CDK5RAP2: variants seen among roughly 807,000 people sequenced by gnomAD.
The protein encoded by CDK5RAP2 is CDK5 regulatory subunit associated protein 2.
CDK5RAP2 carries 147 observed loss-of-function variants against 232.9 expected under a neutral mutation model. The ratio of observed to expected loss-of-function variants is 0.63; its 90% CI spans 0.55 to 0.72. The LOEUF (loss-of-function observed/expected upper bound fraction) is 0.72, where lower values mean the gene tolerates loss of function less well. CDK5RAP2 is among the 30% of genes least tolerant of loss of function. The pLI, the probability that CDK5RAP2 is intolerant of heterozygous loss-of-function variation, is 0.00. For synonymous variants in CDK5RAP2, 833 were observed against 833.7 expected (o/e 1.00, Z 0.01); for missense variants, 2,195 against 2,231.5 (o/e 0.98, Z 0.33).
At chr9:120,472,203 AT>A (rs1224812177) in intron 15 of CDK5RAP2, among the ~76,000 whole-genome samples, 1 of 152,214 alleles carries the variant, frequency 6.6e-6, no homozygotes, top group Non-Finnish European at 1.5e-5. Flanking sequence ...TTTAGAAATT[AT>A]TTGCAAAATC....
intron 18 of CDK5RAP2, among the ~76,000 whole-genome samples, chr9:120,465,586 A>G (rs2037331907): frequency 6.6e-6 from 1 of 152,114 alleles, no homozygotes; most frequent in Non-Finnish European, 1.5e-5. Context: ...TTTACACATT[A>G]AAAGTTGTTG....
In CDK5RAP2 at chr9:120,536,385, C is replaced by A; in HGVS notation, c.649G>T (p.Asp217Tyr). The A allele has an allele frequency of 6.2e-7, 1 of 1,614,140 alleles. No homozygotes were observed. ...CAAGAGCCAGACCTGTCTTTCTCAT[C>A]CAGGACCAGAGCCATCGCCAAGTCC... ...EGDLAMALVL[D>Y]EKDRLIEELK... The change falls in exon 7 of 38, where the codon GAT becomes TAT. Residue 217 changes from aspartate to tyrosine, a missense_variant. Coordinates refer to ENST00000349780, the MANE Select transcript of CDK5RAP2 (RefSeq NM_018249.6).
chr9:120,509,523 G>A (rs1014351529), intron 12 of CDK5RAP2, among the ~76,000 whole-genome samples: 30 of 152,300 alleles, frequency 2.0e-4, no homozygotes, highest in African/African-American at 7.2e-4. Context: ...ATGAGTTTAA[G>A]CTGTTGGCTT....
intron 14 of CDK5RAP2, among the ~76,000 whole-genome samples, chr9:120,486,155 G>A (rs1275788440): frequency 2.6e-5 from 4 of 152,102 alleles, no homozygotes; most frequent in Admixed American, 2.0e-4. Flanking sequence ...ACCTCCCCAT[G>A]AGGTCCCTAG....
chr9:120,407,421 T>G, intron 31 of CDK5RAP2, 173 bp from the exon 32 acceptor site: 1 of 650,678 alleles, frequency 1.5e-6, no homozygotes, highest in Non-Finnish European at 2.8e-6. Context: ...TTGGCAGACT[T>G]AATTGCTGCT....
chr9:120,464,692 C>G (rs894601219), intron 18 of CDK5RAP2, among the ~76,000 whole-genome samples: 7 of 152,002 alleles, frequency 4.6e-5, no homozygotes. Flanking sequence ...GAAGCACTGC[C>G]CTATGGTGTT....
chr9:120,404,915 C>T (rs1295577384), intron 32 of CDK5RAP2, among the ~76,000 whole-genome samples: 1 of 152,212 alleles, frequency 6.6e-6, no homozygotes, highest in East Asian at 1.9e-4. Flanking sequence ...GACTCAATAG[C>T]TCAGTGGGCA....
intron 31 of CDK5RAP2, 140 bp from the exon 32 acceptor site, chr9:120,407,388 A>T (rs2033531399): frequency 1.4e-6 from 1 of 701,402 alleles, no homozygotes; most frequent in East Asian, 2.7e-5. Context: ...TAAAATAACA[A>T]CTTGACTTTA....
chr9:120,562,801 ATAGCAGGCACTATCC>A (rs1470318286), intron 3 of CDK5RAP2, among the ~76,000 whole-genome samples: 1 of 152,076 alleles, frequency 6.6e-6, no homozygotes, highest in Admixed American at 6.6e-5. Context: ...AAGATCTGGT[ATAGCAGGCACTATCC>A]TAGCATGTTA....
At chr9:120,564,381 T>C (rs1311488270) in intron 3 of CDK5RAP2, among the ~76,000 whole-genome samples, 1 of 150,658 alleles carries the variant, frequency 6.6e-6, no homozygotes, top group African/African-American at 2.4e-5. Flanking sequence ...TCCCAGCTAC[T>C]AGGGAGGCTG....
In CDK5RAP2 at chr9:120,520,817, CAT is replaced by C. The variant is rs1564332669; in HGVS notation, c.1093-2174_1093-2173del. The stretch of plus-strand genomic sequence containing the variant: ...CTCATATATCTCATGAGATATATCT[CAT>C]ATATATCTCATATGAGCTGTATCTC... On this transcript the variant is annotated intron_variant, in intron 11 of 37. Coordinates refer to ENST00000349780, the MANE Select transcript of CDK5RAP2 (RefSeq NM_018249.6). Among the ~76,000 whole-genome samples, 8 of 137,244 alleles carry C rather than the reference CAT, an allele frequency of 5.8e-5. No individual in the cohort carries two copies. The South Asian group carries it at 6.9e-4, about 12-fold the overall frequency. The allele number at this position is 137,244 out of a possible 152,430, so 90.0% of individuals were successfully genotyped here. A position where few individuals can be genotyped will look rare whatever the true frequency, so the allele number is the denominator to read the frequency against.
intron 23 of CDK5RAP2, 73 bp from the exon 24 acceptor site, chr9:120,440,045 T>A: frequency 7.2e-7 from 1 of 1,380,624 alleles, no homozygotes; most frequent in Non-Finnish European, 1.0e-6. Flanking sequence ...CTCACAGCCC[T>A]AGCCAAGCCA....
At chr9:120,534,618 A>G (rs950601878) in intron 7 of CDK5RAP2, among the ~76,000 whole-genome samples, 4 of 152,226 alleles carry the variant, frequency 2.6e-5, no homozygotes, top group African/African-American at 9.6e-5. Context: ...AAGATCCAAT[A>G]GAACCAATTA....
chr9:120,462,775 C>G (rs555890434), intron 18 of CDK5RAP2, among the ~76,000 whole-genome samples: 8 of 152,308 alleles, frequency 5.3e-5, no homozygotes, highest in Admixed American at 1.3e-4. Flanking sequence ...CATGCAGGCT[C>G]TTGATAGGGG....
intron 14 of CDK5RAP2, among the ~76,000 whole-genome samples, chr9:120,484,891 T>A (rs564247004): frequency 4.1e-4 from 54 of 131,038 alleles, no homozygotes; most frequent in South Asian, 2.6e-3. Context: ...ATTTTAATAT[T>A]TTTTTTTTTT....
chr9:120,458,567 T>C lies in CDK5RAP2; in HGVS notation c.2258A>G (p.Glu753Gly), dbSNP rs765185620. 4 of 1,614,150 alleles carry C rather than the reference T, an allele frequency of 2.5e-6. No homozygotes were observed. The highest frequency in any genetic ancestry group is 2.2e-5 in the East Asian group (1 of 44,876). The change falls in exon 20 of 38, where the codon GAG (glutamate) becomes GGG (glycine). Residue 753 changes from glutamate (E) to glycine (G), a missense_variant. Glu to Gly is a moderately conservative substitution (Grantham distance 98). Transcript: ENST00000349780. ...CCCATCACAATCTGAAATCTTAGAC[T>C]CCGTGTGCCTTAAGTATCCATTTTT... ...GCKNGYLRHT[E>G]SKISDCDGAH...
intron 3 of CDK5RAP2, among the ~76,000 whole-genome samples, chr9:120,559,900 T>C (rs1588657219): frequency 6.6e-6 from 1 of 152,162 alleles, no homozygotes; most frequent in East Asian, 1.9e-4. Flanking sequence ...CCATTCTCTG[T>C]CAAAAGCCTT....
intron 15 of CDK5RAP2, among the ~76,000 whole-genome samples, chr9:120,473,714 TCACAG>T (rs963289083): frequency 6.6e-6 from 1 of 152,204 alleles, no homozygotes; most frequent in African/African-American, 2.4e-5. Flanking sequence ...CACAGAGGTG[TCACAG>T]CACAGCACTC....
At chr9:120,501,163 G>A (rs544198478) in intron 12 of CDK5RAP2, among the ~76,000 whole-genome samples, 11 of 152,230 alleles carry the variant, frequency 7.2e-5, no homozygotes, top group South Asian at 2.1e-4. Flanking sequence ...GTGGCTCTCC[G>A]CAGCCAGTTC....
Sources: allele counts gnomAD v4.1 joint callset (sites outside exome capture counted in the v4.1 genomes callset), GRCh38; gene constraint gnomAD v4.1.1; transcripts MANE v1.5; gene names NCBI Gene and HGNC (gene_info 2026-07-23, HGNC 2026-07-21).